Variants in RGS6 observed in about 807,000 individuals in gnomAD.
RGS6 encodes the protein regulator of G-protein signaling 6.
RGS6 carries 30 observed loss-of-function variants against 78.5 expected under a neutral mutation model. The observed-to-expected ratio is 0.38, with a 90% CI of 0.29 to 0.52. RGS6 has a LOEUF of 0.52. Among genes scored for constraint, RGS6 ranks in the 20% least tolerant of loss-of-function variants. The pLI is 0.85. For synonymous variants in RGS6, 206 were observed against 206.0 expected (o/e 1.00, Z 0.00); for missense variants, 495 against 609.7 (o/e 0.81, Z 1.98).
chr14:71,989,852 T>G (rs1189677219), intron 2 of RGS6, among the ~76,000 whole-genome samples: 1 of 152,210 alleles, frequency 6.6e-6, no homozygotes, highest in Non-Finnish European at 1.5e-5. Flanking sequence ...GTGACTCTGC[T>G]GAATGCACTG....
intron 2 of RGS6, among the ~76,000 whole-genome samples, chr14:72,301,463 A>G (rs1043154795): frequency 1.3e-5 from 2 of 152,044 alleles, no homozygotes; most frequent in African/African-American, 2.4e-5. Context: ...TTAGTTTCTC[A>G]ATGTGGAGAA....
intron 2 of RGS6, among the ~76,000 whole-genome samples, chr14:72,005,934 T>C (rs1429467111): frequency 7.2e-5 from 11 of 152,110 alleles, no homozygotes; most frequent in African/African-American, 2.7e-4. Context: ...CTAGCATCCA[T>C]CATCTACCAT....
chr14:72,494,619 A>G (rs2096620273), intron 12 of RGS6, among the ~76,000 whole-genome samples: 2 of 152,228 alleles, frequency 1.3e-5, no homozygotes, highest in South Asian at 4.1e-4. Context: ...CAACATATCT[A>G]TTAGATCATA....
intron 2 of RGS6, among the ~76,000 whole-genome samples, chr14:72,214,787 T>G (rs1424010701): frequency 6.6e-6 from 1 of 151,998 alleles, no homozygotes; most frequent in Non-Finnish European, 1.5e-5. Flanking sequence ...AGTGAGACAC[T>G]GTCTCTTAAA....
At chr14:72,448,928 G>A (rs868830986) in intron 3 of RGS6, among the ~76,000 whole-genome samples, 5 of 152,088 alleles carry the variant, frequency 3.3e-5, no homozygotes, top group African/African-American at 1.2e-4. Context: ...TTATCATATT[G>A]GACACAATTA....
intron 2 of RGS6, among the ~76,000 whole-genome samples, chr14:72,307,137 A>T (rs1050174498): frequency 2.0e-5 from 3 of 152,200 alleles, no homozygotes; most frequent in African/African-American, 7.2e-5. Flanking sequence ...AAAGATTACA[A>T]CTTGCTGAAG....
At chr14:72,251,817 A>G (rs2055862573) in intron 2 of RGS6, among the ~76,000 whole-genome samples, 1 of 152,230 alleles carries the variant, frequency 6.6e-6, no homozygotes, top group Non-Finnish European at 1.5e-5. Flanking sequence ...TTCACACAAT[A>G]TACCCATGTA....
At chr14:72,585,064 A>G in the RGS6 span, among the ~76,000 whole-genome samples, 2 of 151,520 alleles carry the variant, frequency 1.3e-5, no homozygotes, top group Non-Finnish European at 2.9e-5. Flanking sequence ...CCAAAAAAAA[A>G]TGATATGTGC....
At chr14:71,925,021 C>T in the RGS6 span, among the ~76,000 whole-genome samples, 39 of 152,144 alleles carry the variant, frequency 2.6e-4, no homozygotes, top group African/African-American at 7.0e-4. Flanking sequence ...ATGGCTCTAC[C>T]AGTTTACATT....
intron 2 of RGS6, among the ~76,000 whole-genome samples, chr14:72,263,028 G>C (rs568690532): frequency 6.6e-6 from 1 of 152,054 alleles, no homozygotes; most frequent in African/African-American, 2.4e-5. Context: ...GACTGCCCCC[G>C]CCTGGGTTAG....
chr14:72,349,536 A>G (rs1402356071), intron 2 of RGS6, among the ~76,000 whole-genome samples: 2 of 152,210 alleles, frequency 1.3e-5, no homozygotes, highest in South Asian at 4.1e-4. Flanking sequence ...CTGGGGGGCA[A>G]TAATTCCTTC....
intron 2 of RGS6, among the ~76,000 whole-genome samples, chr14:72,019,998 T>A (rs1157572039): frequency 1.3e-5 from 2 of 152,180 alleles, no homozygotes; most frequent in African/African-American, 4.8e-5. Flanking sequence ...CCCTGACCTG[T>A]CGGGGAGAGG....
chr14:71,987,479 C>G (rs2094765338), intron 2 of RGS6, among the ~76,000 whole-genome samples: 1 of 152,130 alleles, frequency 6.6e-6, no homozygotes, highest in Admixed American at 6.5e-5. Context: ...TACTGTAGTC[C>G]CATCCAGTGT....
chr14:71,936,078 A>C (rs1180853388), intron 1 of RGS6, among the ~76,000 whole-genome samples: 1 of 142,272 alleles, frequency 7.0e-6, no homozygotes, highest in Non-Finnish European at 1.5e-5. Context: ...TGCTATATAT[A>C]TGCTATACAT....
chr14:72,478,517 G>A (rs45529435), intron 12 of RGS6, among the ~76,000 whole-genome samples, 188 bp downstream of exon 12: 77 of 152,260 alleles, frequency 5.1e-4, no homozygotes, highest in Non-Finnish European at 9.4e-4. Flanking sequence ...CTTGAGTGAT[G>A]TCAAGAAATG....
the RGS6 span, among the ~76,000 whole-genome samples, chr14:71,901,068 T>G: frequency 2.6e-5 from 4 of 152,268 alleles, no homozygotes; most frequent in African/African-American, 9.6e-5. Context: ...AGGCTCCACC[T>G]CCAACAATGG....
chr14:72,400,716 G>C (rs2092286905), intron 3 of RGS6, among the ~76,000 whole-genome samples: 1 of 152,212 alleles, frequency 6.6e-6, no homozygotes, highest in African/African-American at 2.4e-5. Flanking sequence ...AGACTAGAGA[G>C]ATAGCCAGAC....
chr14:72,053,371 G>A (rs1437784908), intron 2 of RGS6, among the ~76,000 whole-genome samples: 1 of 151,766 alleles, frequency 6.6e-6, no homozygotes, highest in Non-Finnish European at 1.5e-5. Flanking sequence ...GCCCGCCTCT[G>A]CCTCCCGAAG....
At chr14:72,304,262 T>C (rs951196700) in intron 2 of RGS6, among the ~76,000 whole-genome samples, 1 of 152,232 alleles carries the variant, frequency 6.6e-6, no homozygotes, top group African/African-American at 2.4e-5. Context: ...GGGTGTTGTT[T>C]GTCTGACCTT....
Sources: gnomAD v4.1 joint callset for allele counts (sites outside exome capture counted in the v4.1 genomes callset) on GRCh38, gnomAD v4.1.1 for gene constraint, MANE v1.5 for transcripts, NCBI Gene and HGNC (gene_info 2026-07-23, HGNC 2026-07-21) for gene names.